TSHZ2: variants seen among roughly 807,000 people sequenced by gnomAD.
TSHZ2 encodes teashirt zinc finger homeobox 2, also known as teashirt homolog 2.
In TSHZ2, 21 loss-of-function variants were observed where a neutral mutation model predicts 74.4. That is an observed-to-expected ratio of 0.28 (90% CI 0.20 to 0.41). The LOEUF is 0.41. TSHZ2 is among the 10% of genes least tolerant of loss of function. TSHZ2 has a pLI of 1.00. For synonymous variants in TSHZ2, 540 were observed against 515.3 expected (o/e 1.05, Z -0.65); for missense variants, 1,244 against 1,293.5 (o/e 0.96, Z 0.59).
chr20:53,478,667 T>A (rs1986058628), intron 2 of TSHZ2, among the ~76,000 whole-genome samples: 1 of 125,158 alleles, frequency 8.0e-6, no homozygotes, highest in Non-Finnish European at 1.7e-5. Context: ...AAAAAATAAA[T>A]AAAAAATAAA....
intron 2 of TSHZ2, among the ~76,000 whole-genome samples, chr20:53,310,917 C>CATGCG (rs1193764349): frequency 6.6e-6 from 1 of 152,178 alleles, no homozygotes; most frequent in Non-Finnish European, 1.5e-5. Context: ...ACAAGAAAAA[C>CATGCG]ATGCACATCA....
At chr20:53,181,414 T>G (rs907958392) in intron 1 of TSHZ2, among the ~76,000 whole-genome samples, 3 of 152,172 alleles carry the variant, frequency 2.0e-5, no homozygotes, top group Admixed American at 2.0e-4. Context: ...TCTAAATAGA[T>G]TCTGTTTCTG....
intron 1 of TSHZ2, among the ~76,000 whole-genome samples, chr20:53,067,135 G>A (rs1289486404): frequency 6.6e-6 from 1 of 152,180 alleles, no homozygotes; most frequent in East Asian, 1.9e-4. Context: ...ATGACAACGT[G>A]AATAGTTTGT....
At chr20:53,111,122 G>T (rs1204196723) in intron 1 of TSHZ2, among the ~76,000 whole-genome samples, 1 of 152,320 alleles carries the variant, frequency 6.6e-6, no homozygotes, top group African/African-American at 2.4e-5. Flanking sequence ...AATCAGAGAA[G>T]TTCAGAAATC....
At chr20:53,367,555 GT>G (rs1568887259) in intron 2 of TSHZ2, among the ~76,000 whole-genome samples, 1 of 152,024 alleles carries the variant, frequency 6.6e-6, no homozygotes, top group Non-Finnish European at 1.5e-5. Context: ...AGTTACAGAA[GT>G]TTTTCTTCTC....
chr20:53,380,351 A>C (rs1981814587), intron 2 of TSHZ2, among the ~76,000 whole-genome samples: 3 of 152,208 alleles, frequency 2.0e-5, no homozygotes, highest in Non-Finnish European at 4.4e-5. Flanking sequence ...AAATATACTC[A>C]ATACATCCAT....
chr20:53,057,729 A>T (rs533891567), intron 1 of TSHZ2, among the ~76,000 whole-genome samples: 3 of 152,320 alleles, frequency 2.0e-5, no homozygotes, highest in Admixed American at 2.0e-4. Flanking sequence ...ACACTCACAG[A>T]AACAGTGATG....
intron 1 of TSHZ2, among the ~76,000 whole-genome samples, chr20:53,142,848 A>C (rs1028141835): frequency 1.3e-5 from 2 of 152,020 alleles, no homozygotes; most frequent in Non-Finnish European, 2.9e-5. Context: ...TGCTCTGCTT[A>C]ATACTATCAC....
chr20:53,304,348 TG>T (rs1478851694), intron 2 of TSHZ2, among the ~76,000 whole-genome samples: 1 of 151,988 alleles, frequency 6.6e-6, no homozygotes, highest in Admixed American at 6.5e-5. Flanking sequence ...CCGGTACTTA[TG>T]GCATATGGCA....
chr20:53,041,627 CTTTT>C (rs1006212875), intron 1 of TSHZ2, among the ~76,000 whole-genome samples: 8 of 152,330 alleles, frequency 5.3e-5, no homozygotes, highest in Non-Finnish European at 1.0e-4. Context: ...CACGCTCACT[CTTTT>C]AGTTAATCCT....
chr20:53,068,536 T>A (rs946673733), intron 1 of TSHZ2, among the ~76,000 whole-genome samples: 3 of 152,160 alleles, frequency 2.0e-5, no homozygotes, highest in Admixed American at 2.0e-4. Context: ...CGAGTCTAGT[T>A]GCTTTGCCAT....
chr20:53,066,468 A>G (rs1337436783), intron 1 of TSHZ2, among the ~76,000 whole-genome samples: 1 of 151,856 alleles, frequency 6.6e-6, no homozygotes, highest in African/African-American at 2.4e-5. Flanking sequence ...ACCTCCGGCT[A>G]TCGCGTTTTG....
chr20:53,066,478 G>T (rs987311110), intron 1 of TSHZ2, among the ~76,000 whole-genome samples: 4 of 151,898 alleles, frequency 2.6e-5, no homozygotes, highest in Non-Finnish European at 5.9e-5. Flanking sequence ...ATCGCGTTTT[G>T]CTCTCCTGAA....
chr20:53,360,619 A>G (rs1043062113), intron 2 of TSHZ2, among the ~76,000 whole-genome samples: 18 of 152,234 alleles, frequency 1.2e-4, no homozygotes, highest in African/African-American at 4.3e-4. Context: ...TCACAGTTAG[A>G]CAGTCTTACA....
chr20:53,211,673 C>G (rs114056930), intron 1 of TSHZ2, among the ~76,000 whole-genome samples: 1 of 152,066 alleles, frequency 6.6e-6, no homozygotes, highest in Non-Finnish European at 1.5e-5. Context: ...ACAATTATGC[C>G]GCTGCATTCC....
At chr20:53,412,279 A>G (rs938921149) in intron 2 of TSHZ2, among the ~76,000 whole-genome samples, 2 of 152,188 alleles carry the variant, frequency 1.3e-5, no homozygotes, top group African/African-American at 2.4e-5. Flanking sequence ...CCTGCTGACA[A>G]TAGCTTCAGG....
At chr20:53,457,873 C>A (rs752049758) in intron 2 of TSHZ2, among the ~76,000 whole-genome samples, 4 of 150,602 alleles carry the variant, frequency 2.7e-5, no homozygotes, top group Non-Finnish European at 5.9e-5. Flanking sequence ...ATTGATTTGC[C>A]TATATTGAAC....
Position 52,986,156 on chromosome 20 carries a change from C to T in TSHZ2, c.40+12823C>T, listed in dbSNP as rs550469417. The stretch of plus-strand genomic sequence containing the variant: ...CCTGTAATCCCAGCACTTTGGGAGT[C>T]CTAGGCAGGCGGATCACGAGGTTGG... On this transcript the variant is annotated intron_variant, in intron 1 of 2. Coordinates refer to ENST00000371497, the MANE Select transcript of TSHZ2 (RefSeq NM_173485.6). Among the ~76,000 whole-genome samples the T allele has an allele frequency of 2.6e-5, 4 of 151,970 alleles. No homozygotes were observed. The South Asian group carries it at 8.3e-4, about 32-fold the overall frequency.
intron 1 of TSHZ2, chr20:53,178,376 A>AG (rs1988394210): frequency 6.6e-6 from 1 of 152,244 alleles, no homozygotes; most frequent in Non-Finnish European, 1.5e-5. Context: ...GAGAAGAGGA[A>AG]GGGACCATAG....
Sources: gnomAD v4.1 joint callset for allele counts (sites outside exome capture counted in the v4.1 genomes callset) on GRCh38, gnomAD v4.1.1 for gene constraint, MANE v1.5 for transcripts, NCBI Gene and HGNC (gene_info 2026-07-23, HGNC 2026-07-21) for gene names.